Variants in PHF20 observed in about 807,000 individuals in gnomAD.
The protein encoded by PHF20 is glioma-expressed antigen 2.
In PHF20, 23 loss-of-function variants were observed where a neutral mutation model predicts 113.5. The ratio of observed to expected loss-of-function variants is 0.20; its 90% CI spans 0.15 to 0.29. The LOEUF (loss-of-function observed/expected upper bound fraction) is 0.29. PHF20 is among the 10% of genes least tolerant of loss of function. The pLI is 1.00. For synonymous variants in PHF20, 434 were observed against 457.3 expected, an observed-to-expected ratio of 0.95 and a Z score of 0.65; for missense variants, 943 against 1,219.6, an observed-to-expected ratio of 0.77 and a Z score of 3.38.
chr20:35,860,059 C>T (rs1423661112), intron 5 of PHF20, among the ~76,000 whole-genome samples: 5 of 152,052 alleles, frequency 3.3e-5, no homozygotes, highest in Non-Finnish European at 7.4e-5. Flanking sequence ...GCTGGGATTA[C>T]AGGCATGTGC....
At chr20:35,827,781 T>C (rs1212187574) in intron 2 of PHF20, among the ~76,000 whole-genome samples, 1 of 130,382 alleles carries the variant, frequency 7.7e-6, no homozygotes, top group African/African-American at 3.0e-5. Flanking sequence ...AGACTCCATC[T>C]CAGAAAAAAA....
chr20:35,786,504 CTA>C (rs1284664742), intron 1 of PHF20, among the ~76,000 whole-genome samples: 3 of 152,116 alleles, frequency 2.0e-5, no homozygotes, highest in African/African-American at 7.2e-5. Flanking sequence ...GAGATCGAGA[CTA>C]TGCTGGCCAA....
chr20:35,926,082 A>C (rs1447819679), intron 13 of PHF20, among the ~76,000 whole-genome samples: 1 of 137,062 alleles, frequency 7.3e-6, no homozygotes. Flanking sequence ...AGATTGTCCC[A>C]CTGCACTCCA....
rs546826243 is a variant in PHF20, at chr20:35,918,059, T to C, written c.2004+397T>C. Among the ~76,000 whole-genome samples the C allele has an allele frequency of 2.6e-5, 4 of 152,324 alleles. No individual in the cohort carries two copies. The East Asian group carries it at 7.7e-4, about 29-fold the overall frequency. ...AAATTTTCTTTAAGATCCAAAGTCA[T>C]GCAGGCTGGCTTTATAACTTCTATG... On this transcript the variant is annotated intron_variant, in intron 13 of 17. Coordinates refer to ENST00000374012, the MANE Select transcript of PHF20 (RefSeq NM_016436.5).
At chr20:35,906,764 G>A (rs1259133711) in intron 10 of PHF20, among the ~76,000 whole-genome samples, 1 of 152,152 alleles carries the variant, frequency 6.6e-6, no homozygotes, top group Non-Finnish European at 1.5e-5. Context: ...CTCTCTCAAG[G>A]GAACATGGAA....
intron 1 of PHF20, among the ~76,000 whole-genome samples, chr20:35,800,988 G>A (rs1363186720): frequency 6.6e-6 from 1 of 152,094 alleles, no homozygotes; most frequent in Non-Finnish European, 1.5e-5. Context: ...ACTGTGCCTG[G>A]CATTTGTTTG....
At chr20:35,858,494 T>G in intron 5 of PHF20, 113 bp downstream of exon 5, 1 of 584,460 alleles carries the variant, frequency 1.7e-6, no homozygotes, top group Non-Finnish European at 3.0e-6. Flanking sequence ...ATTTCCTCCA[T>G]CTGACACAAT....
At chr20:35,874,203 T>C (rs1196667927) in intron 9 of PHF20, among the ~76,000 whole-genome samples, 2 of 152,200 alleles carry the variant, frequency 1.3e-5, no homozygotes, top group Admixed American at 6.5e-5. Flanking sequence ...CTGGAACTCC[T>C]GACGTCAAGT....
At chr20:35,912,066 C>T (rs376777402) in intron 10 of PHF20, among the ~76,000 whole-genome samples, 20 of 151,912 alleles carry the variant, frequency 1.3e-4, no homozygotes, top group South Asian at 1.2e-3. Context: ...CTGCAGCCTC[C>T]GCCTCCCGTG....
chr20:35,777,765 C>T (rs191922433), intron 1 of PHF20, among the ~76,000 whole-genome samples: 1 of 152,296 alleles, frequency 6.6e-6, no homozygotes, highest in Admixed American at 6.5e-5. Flanking sequence ...AGGATTGTAC[C>T]ACTGCACTAC....
Position 35,938,866 on chromosome 20 carries a change from C to T in PHF20, c.2470C>T (p.Leu824=), listed in dbSNP as rs747560380. ...GAVEKPRPLA[L]PLPRSVEESY... ...AGTGGAGAAGCCCAGGCCCCTGGCC[C>T]TGCCCCTGCCGCGTTCTGTGGAGGA... The change falls in exon 16 of 18, where the codon CTG becomes TTG. Residue 824 remains leucine, a synonymous_variant. Coordinates refer to ENST00000374012, the MANE Select transcript of PHF20 (RefSeq NM_016436.5). 1 of 1,614,204 alleles carries T rather than the reference C, an allele frequency of 6.2e-7. No homozygotes were observed. Among genetic ancestry groups the T allele is most frequent in the Non-Finnish European group, 8.5e-7 (1 of 1,180,024 alleles).
intron 7 of PHF20, among the ~76,000 whole-genome samples, chr20:35,870,286 A>G: frequency 1.5e-5 from 2 of 137,164 alleles, no homozygotes; most frequent in Admixed American, 7.7e-5. Context: ...CCTGGGCGAG[A>G]GAGCGAGACT....
chr20:35,931,578 C>A, intron 15 of PHF20, 134 bp downstream of exon 15: 1 of 593,910 alleles, frequency 1.7e-6, no homozygotes, highest in Non-Finnish European at 2.8e-6. Flanking sequence ...TAAAAATTAT[C>A]AGTTTCAGGA....
intron 9 of PHF20, among the ~76,000 whole-genome samples, chr20:35,881,892 G>C (rs1322413472): frequency 6.6e-6 from 1 of 152,252 alleles, no homozygotes; most frequent in Non-Finnish European, 1.5e-5. Context: ...GCCACCTGTT[G>C]CCTCACCTTC....
chr20:35,901,740 GA>G (rs1306189821), intron 10 of PHF20, among the ~76,000 whole-genome samples: 1 of 152,094 alleles, frequency 6.6e-6, no homozygotes, highest in African/African-American at 2.4e-5. Context: ...CGATCTTTAA[GA>G]GTACAGACCT....
intron 10 of PHF20, among the ~76,000 whole-genome samples, chr20:35,902,301 G>A (rs927188228): frequency 6.6e-6 from 1 of 152,200 alleles, no homozygotes; most frequent in Non-Finnish European, 1.5e-5. Flanking sequence ...GCAGGTGCTG[G>A]ATATCGTAAT....
In PHF20 at chr20:35,803,822, T is replaced by C. The variant is rs190676022; in HGVS notation, c.83+2217T>C. ...GTGTCTTTGTTTTTTATATTCAATA[T>C]GTTTTTGTGATTTACCCATACTTAA... On this transcript the variant is annotated intron_variant, in intron 2 of 17. Transcript: ENST00000374012. Among the ~76,000 whole-genome samples the C allele has an allele frequency of 2.0e-5, 3 of 151,772 alleles. No individual in the cohort carries two copies. The Admixed American group carries it at 2.0e-4, about 10-fold the overall frequency.
At chr20:35,915,051 T>C (rs1348971907) in intron 12 of PHF20, among the ~76,000 whole-genome samples, 1 of 128,038 alleles carries the variant, frequency 7.8e-6, no homozygotes, top group African/African-American at 3.5e-5. Context: ...TAAAATGTTT[T>C]ATATATATAT....
chr20:35,792,105 A>G (rs2041568399), intron 1 of PHF20, among the ~76,000 whole-genome samples: 1 of 152,256 alleles, frequency 6.6e-6, no homozygotes, highest in East Asian at 1.9e-4. Context: ...CATTTTAATT[A>G]TGGAAGGCAA....
Sources: gnomAD v4.1 joint callset for allele counts (sites outside exome capture counted in the v4.1 genomes callset) on GRCh38, gnomAD v4.1.1 for gene constraint, MANE v1.5 for transcripts, NCBI Gene and HGNC (gene_info 2026-07-23, HGNC 2026-07-21) for gene names.